The following OSBPL9 variants were observed in gnomAD, a reference collection of about 807,000 sequenced individuals.
OSBPL9 encodes the protein oxysterol-binding protein-related protein 9.
Under a neutral mutation model 106.6 loss-of-function variants are expected in OSBPL9, and 40 were observed. The observed-to-expected ratio is 0.38, with a 90% CI of 0.29 to 0.49. The LOEUF (loss-of-function observed/expected upper bound fraction) is 0.49. OSBPL9 is among the 20% of genes least tolerant of loss of function. The pLI is 0.97. For synonymous variants in OSBPL9, 269 were observed against 295.4 expected (o/e 0.91, Z 0.92); for missense variants, 609 against 887.2 (o/e 0.69, Z 3.98).
the OSBPL9 span, among the ~76,000 whole-genome samples, chr1:51,562,669 C>T: frequency 6.6e-6 from 1 of 152,146 alleles, no homozygotes; most frequent in Non-Finnish European, 1.5e-5. Context: ...GTGGCAGGGA[C>T]CCATTCTGAG....
the OSBPL9 span, among the ~76,000 whole-genome samples, chr1:51,525,823 C>T: frequency 4.6e-5 from 7 of 152,178 alleles, no homozygotes; most frequent in Non-Finnish European, 8.8e-5. Flanking sequence ...GATCATGGCT[C>T]ACTGTAGCTT....
chr1:51,600,469 A>G (rs559816856), intron 2 of OSBPL9, among the ~76,000 whole-genome samples: 1 of 152,346 alleles, frequency 6.6e-6, no homozygotes, highest in East Asian at 1.9e-4. Flanking sequence ...CTGCATCAGC[A>G]TAAAGACAAA....
At chr1:51,686,192 T>A (rs940216450) in intron 3 of OSBPL9, among the ~76,000 whole-genome samples, 4 of 152,200 alleles carry the variant, frequency 2.6e-5, no homozygotes, top group African/African-American at 9.6e-5. Flanking sequence ...TCGGGTTCAG[T>A]TAACGTGCAG....
At chr1:51,597,483 T>G in intron 1 of OSBPL9, among the ~76,000 whole-genome samples, 1 of 147,032 alleles carries the variant, frequency 6.8e-6, no homozygotes, top group African/African-American at 2.5e-5. Flanking sequence ...ACACAAAGGA[T>G]AGATTGTATA....
intron 8 of OSBPL9, among the ~76,000 whole-genome samples, chr1:51,751,342 C>T (rs559676785): frequency 2.0e-5 from 3 of 152,080 alleles, no homozygotes; most frequent in East Asian, 3.9e-4. Context: ...GGATTACAGG[C>T]GTGAGCTACC....
chr1:51,673,015 T>G (rs1262876517), intron 3 of OSBPL9, among the ~76,000 whole-genome samples: 1 of 152,118 alleles, frequency 6.6e-6, no homozygotes, highest in Non-Finnish European at 1.5e-5. Flanking sequence ...CACAAGAATT[T>G]GGGAATAAAT....
chr1:51,644,779 G>T (rs904657457), intron 1 of OSBPL9, among the ~76,000 whole-genome samples: 1 of 152,100 alleles, frequency 6.6e-6, no homozygotes, highest in African/African-American at 2.4e-5. Context: ...GACTTTGCCC[G>T]CAGATTCTTC....
At chr1:51,738,860 GGA>G (rs1666278817) in intron 4 of OSBPL9, among the ~76,000 whole-genome samples, 1 of 151,898 alleles carries the variant, frequency 6.6e-6, no homozygotes, top group African/African-American at 2.4e-5. Context: ...GTAAGGGCCT[GGA>G]GATATAGTGG....
At chr1:51,768,132 G>A (rs1183285193) in intron 12 of OSBPL9, among the ~76,000 whole-genome samples, 1 of 151,776 alleles carries the variant, frequency 6.6e-6, no homozygotes, top group East Asian at 1.9e-4. Flanking sequence ...TAGTAGAGAC[G>A]GGGTTTCACC....
intron 3 of OSBPL9, among the ~76,000 whole-genome samples, chr1:51,710,925 G>C (rs1462724250): frequency 6.6e-6 from 1 of 152,138 alleles, no homozygotes; most frequent in Non-Finnish European, 1.5e-5. Flanking sequence ...TTCTCAGCCG[G>C]ACAGTGCTTC....
intron 3 of OSBPL9, chr1:51,709,271 C>A: frequency 4.6e-6 from 1 of 215,612 alleles, no homozygotes; most frequent in South Asian, 8.1e-5. Context: ...GGGCACTTGT[C>A]CTTCTGGAGG....
the OSBPL9 span, among the ~76,000 whole-genome samples, chr1:51,524,663 T>C: frequency 1.3e-5 from 2 of 152,214 alleles, no homozygotes; most frequent in East Asian, 1.9e-4. Flanking sequence ...TTACATAAAA[T>C]TTATTTAATC....
intron 3 of OSBPL9, among the ~76,000 whole-genome samples, chr1:51,695,516 C>T (rs905789489): frequency 9.9e-5 from 15 of 152,128 alleles, no homozygotes; most frequent in Non-Finnish European, 2.1e-4. Flanking sequence ...AGTTTCCTGA[C>T]CAGAGTTTCT....
chr1:51,748,432 A>G, intron 7 of OSBPL9, 34 bp downstream of exon 7: 1 of 1,450,386 alleles, frequency 6.9e-7, no homozygotes, highest in South Asian at 1.6e-5. Context: ...CTGACTTTGC[A>G]TTAGAAAATG....
the OSBPL9 span, among the ~76,000 whole-genome samples, chr1:51,566,806 G>C: frequency 1.3e-5 from 2 of 152,106 alleles, no homozygotes; most frequent in African/African-American, 4.8e-5. Context: ...CTGTCTTTCT[G>C]CCTGTCCCAC....
the OSBPL9 span, among the ~76,000 whole-genome samples, chr1:51,530,205 A>AAAAAAAAG: frequency 7.1e-6 from 1 of 139,982 alleles, no homozygotes; most frequent in African/African-American, 2.6e-5. Context: ...AAAAAAAAAA[A>AAAAAAAAG]CCTCTAAGAA....
chr1:51,752,094 C>T (rs1171872846), intron 8 of OSBPL9, among the ~76,000 whole-genome samples: 1 of 151,928 alleles, frequency 6.6e-6, no homozygotes. Flanking sequence ...GCTCAAATAC[C>T]CCTGATGTTT....
chr1:51,592,340 C>T (rs1451494732), intron 1 of OSBPL9, among the ~76,000 whole-genome samples: 1 of 152,100 alleles, frequency 6.6e-6, no homozygotes, highest in Non-Finnish European at 1.5e-5. Flanking sequence ...TGGTCTCGAT[C>T]TCCGGACCTC....
chr1:51,594,243 AAAAT>A lies in OSBPL9; in HGVS notation c.-422-3863_-422-3860del, dbSNP rs1241060399. Among the ~76,000 whole-genome samples, 18 of 152,128 alleles carry A rather than the reference AAAAT, an allele frequency of 1.2e-4. No homozygotes were observed. In the East Asian group the frequency reaches 3.1e-3, roughly 26 times the overall value. ...GAAACCCTGTCTCTACTAAAAATAA[AAAAT>A]AAATAAATAAATAAATAGCCGGGCG... On this transcript the variant is annotated intron_variant, in intron 1 of 25. Coordinates refer to the OSBPL9 transcript ENST00000371714.
Sources: allele counts gnomAD v4.1 joint callset (sites outside exome capture counted in the v4.1 genomes callset), GRCh38; gene constraint gnomAD v4.1.1; transcripts MANE v1.5; gene names NCBI Gene and HGNC (gene_info 2026-07-23, HGNC 2026-07-21).